The following CNTN5 variants were observed in gnomAD, a reference collection of about 807,000 sequenced individuals.
CNTN5 encodes the protein contactin-5.
Under a neutral mutation model 129.1 loss-of-function variants are expected in CNTN5, and 77 were observed. The observed-to-expected ratio is 0.60, with a 90% CI of 0.50 to 0.72. The LOEUF (loss-of-function observed/expected upper bound fraction) is 0.72. Among genes scored for constraint, CNTN5 ranks in the 30% least tolerant of loss-of-function variants. The pLI is 0.00. For synonymous variants in CNTN5, 509 were observed against 465.6 expected (o/e 1.09, Z -1.20); for missense variants, 1,478 against 1,328.8 (o/e 1.11, Z -1.75).
chr11:100,084,523 G>A (rs1354407603), intron 13 of CNTN5, among the ~76,000 whole-genome samples: 2 of 152,038 alleles, frequency 1.3e-5, no homozygotes, highest in Non-Finnish European at 2.9e-5. Context: ...AGAATTAGAG[G>A]TTTGGTTACA....
intron 1 of CNTN5, among the ~76,000 whole-genome samples, chr11:99,073,374 G>GT (rs750531770): frequency 0.022 from 1,336 of 61,230 alleles, 6 homozygotes; most frequent in Middle Eastern, 0.044. Flanking sequence ...TTATGGTTTG[G>GT]TTTTTTTTTT....
intron 1 of CNTN5, among the ~76,000 whole-genome samples, chr11:99,235,413 AT>A (rs1861214458): frequency 6.6e-6 from 1 of 152,130 alleles, no homozygotes; most frequent in Non-Finnish European, 1.5e-5. Context: ...AATTGCTGAG[AT>A]GAAAGAAAAA....
chr11:99,260,676 G>A (rs1189505108), intron 1 of CNTN5, among the ~76,000 whole-genome samples: 5 of 151,822 alleles, frequency 3.3e-5, no homozygotes, highest in Admixed American at 3.3e-4. Flanking sequence ...TTTTAGAGAG[G>A]CAGTGTGTAG....
At chr11:100,110,374 C>T (rs1423834647) in intron 13 of CNTN5, among the ~76,000 whole-genome samples, 1 of 151,698 alleles carries the variant, frequency 6.6e-6, no homozygotes, top group Non-Finnish European at 1.5e-5. Context: ...ATTTTAAGGG[C>T]AATTATAAGA....
intron 1 of CNTN5, among the ~76,000 whole-genome samples, chr11:99,097,841 AC>A (rs1290793114): frequency 1.3e-5 from 2 of 151,984 alleles, no homozygotes; most frequent in Non-Finnish European, 2.9e-5. Context: ...TAGGATTGAA[AC>A]CTGTATAAAT....
intron 6 of CNTN5, among the ~76,000 whole-genome samples, chr11:99,901,622 G>A (rs576550571): frequency 3.9e-5 from 6 of 152,176 alleles, no homozygotes; most frequent in Non-Finnish European, 8.8e-5. Context: ...CATGAGCATA[G>A]AATGGTTTAT....
chr11:99,241,173 A>T (rs1201447566), intron 1 of CNTN5, among the ~76,000 whole-genome samples: 1 of 152,146 alleles, frequency 6.6e-6, no homozygotes, highest in Non-Finnish European at 1.5e-5. Flanking sequence ...TACTTAGAGA[A>T]TCTCCATGCA....
chr11:100,226,022 T>A (rs1160817684), intron 16 of CNTN5, among the ~76,000 whole-genome samples: 4 of 152,008 alleles, frequency 2.6e-5, no homozygotes. Flanking sequence ...GTTTGTTCAT[T>A]TTTTGTGTGT....
At chr11:99,254,152 A>G (rs1429510796) in intron 1 of CNTN5, among the ~76,000 whole-genome samples, 12 of 151,866 alleles carry the variant, frequency 7.9e-5, no homozygotes, top group Non-Finnish European at 4.4e-5. Flanking sequence ...CATACAAAGA[A>G]AGAATTATGG....
At chr11:100,241,766 AG>A in intron 16 of CNTN5, among the ~76,000 whole-genome samples, 1 of 152,220 alleles carries the variant, frequency 6.6e-6, no homozygotes, top group East Asian at 1.9e-4. Context: ...TCATGCTCTA[AG>A]TAAGACCGCA....
intron 4 of CNTN5, among the ~76,000 whole-genome samples, chr11:99,839,989 C>A (rs1163908750): frequency 6.6e-6 from 1 of 151,606 alleles, no homozygotes; most frequent in African/African-American, 2.4e-5. Context: ...CCAACTGAGT[C>A]ACAGAAAAAA....
chr11:99,936,632 C>T (rs566640183), intron 7 of CNTN5, among the ~76,000 whole-genome samples: 20 of 152,260 alleles, frequency 1.3e-4, no homozygotes, highest in African/African-American at 3.9e-4. Context: ...GCAAGGTTGA[C>T]ATCCCAGAGA....
At chr11:99,781,114 T>C (rs997390180) in intron 3 of CNTN5, among the ~76,000 whole-genome samples, 1 of 152,072 alleles carries the variant, frequency 6.6e-6, no homozygotes, top group Non-Finnish European at 1.5e-5. Context: ...ATAGGATATT[T>C]TAGTTTATAC....
chr11:99,994,980 G>A (rs1939350001), intron 8 of CNTN5, among the ~76,000 whole-genome samples: 1 of 152,150 alleles, frequency 6.6e-6, no homozygotes, highest in Non-Finnish European at 1.5e-5. Flanking sequence ...TTAAGAAGAA[G>A]CAGATGAAGC....
At chr11:99,578,219 A>C (rs1013331202) in intron 3 of CNTN5, among the ~76,000 whole-genome samples, 2 of 151,868 alleles carry the variant, frequency 1.3e-5, no homozygotes, top group African/African-American at 4.8e-5. Context: ...TTCTTAATCC[A>C]GTCTATCATT....
chr11:99,593,874 A>G (rs563896308), intron 3 of CNTN5, among the ~76,000 whole-genome samples: 2 of 152,292 alleles, frequency 1.3e-5, no homozygotes, highest in East Asian at 3.9e-4. Flanking sequence ...TTCCCAGTGT[A>G]ATGCCAAGAT....
intron 2 of CNTN5, among the ~76,000 whole-genome samples, chr11:99,362,165 T>A (rs960019437): frequency 1.3e-5 from 2 of 152,022 alleles, no homozygotes; most frequent in African/African-American, 4.8e-5. Context: ...TATTTTTTAA[T>A]AATAGCCAAG....
rs554858651 is a variant in CNTN5, at chr11:100,194,291, C to T, written c.1884+628C>T. 1.2e-4 allele frequency among the ~76,000 whole-genome samples: 18 copies of T among 151,970 alleles called. No individual in the cohort carries two copies. In the East Asian group the frequency reaches 3.3e-3, roughly 28 times the overall value. On this transcript the variant is annotated intron_variant, in intron 15 of 24. Transcript: ENST00000524871. The stretch of plus-strand genomic sequence containing the variant: ...ACTCTAGAGAAGTGAAAAGAGGCCC[C>T]TTCCCCACATGGACTTATTTAAAAT...
chr11:100,194,274 G>A (rs2138517151), intron 15 of CNTN5, among the ~76,000 whole-genome samples: 1 of 152,006 alleles, frequency 6.6e-6, no homozygotes, highest in South Asian at 2.1e-4. Context: ...TAACTCTAGA[G>A]AAGTGAAAAG....
Sources: allele counts gnomAD v4.1 joint callset (sites outside exome capture counted in the v4.1 genomes callset), GRCh38; gene constraint gnomAD v4.1.1; transcripts MANE v1.5; gene names NCBI Gene and HGNC (gene_info 2026-07-23, HGNC 2026-07-21).